Variants in ARHGAP27 observed in about 807,000 individuals in gnomAD.
ARHGAP27 encodes rho GTPase-activating protein 27.
ARHGAP27 carries 53 observed loss-of-function variants against 102.0 expected under a neutral mutation model. The ratio of observed to expected loss-of-function variants is 0.52; its 90% CI spans 0.42 to 0.65. ARHGAP27 has a LOEUF of 0.65. Ranked by LOEUF, ARHGAP27 falls within the 30% of genes least tolerant of loss-of-function variation. The pLI is 0.00. For synonymous variants in ARHGAP27, 525 were observed against 542.8 expected (o/e 0.97, Z 0.46); for missense variants, 1,117 against 1,256.2 (o/e 0.89, Z 1.68).
At chr17:45,409,981 G>C (rs1384212589) in intron 4 of ARHGAP27, 1 of 500,228 alleles carries the variant, frequency 2.0e-6, no homozygotes, top group Non-Finnish European at 3.5e-6. Flanking sequence ...CCAGCCCCCT[G>C]GTACTGCCTT....
At chr17:45,423,777 A>G (rs548512169) in intron 4 of ARHGAP27, among the ~76,000 whole-genome samples, 6 of 152,340 alleles carry the variant, frequency 3.9e-5, no homozygotes, top group African/African-American at 1.4e-4. Flanking sequence ...TAAATGAAAA[A>G]GCAGAAGGCA....
At chr17:45,417,617 A>T (rs1473094877) in intron 4 of ARHGAP27, among the ~76,000 whole-genome samples, 1 of 151,982 alleles carries the variant, frequency 6.6e-6, no homozygotes, top group Non-Finnish European at 1.5e-5. Flanking sequence ...AAATACAAAA[A>T]TTAGCCAGGT....
At chr17:45,414,380 C>A (rs1368007416) in intron 4 of ARHGAP27, among the ~76,000 whole-genome samples, 1 of 152,162 alleles carries the variant, frequency 6.6e-6, no homozygotes, top group East Asian at 1.9e-4. Context: ...ATTTCCAACC[C>A]TTCCTTTCTG....
intron 18 of ARHGAP27, 66 bp downstream of exon 18, chr17:45,395,917 G>C: frequency 2.6e-6 from 4 of 1,566,328 alleles, no homozygotes; most frequent in Non-Finnish European, 3.5e-6. Flanking sequence ...TGGGCGAGGG[G>C]AGCCTGCTAA....
intron 4 of ARHGAP27, 54 bp downstream of exon 4, chr17:45,429,569 G>C: frequency 6.3e-7 from 1 of 1,576,470 alleles, no homozygotes; most frequent in East Asian, 2.3e-5. Flanking sequence ...GCTCCGTGCG[G>C]GCGCGGTCCC....
At chr17:45,397,176 T>G (rs2045854315) in intron 13 of ARHGAP27, 152 bp from the exon 14 acceptor site, 5 of 1,442,600 alleles carry the variant, frequency 3.5e-6, no homozygotes, top group Non-Finnish European at 4.5e-6. Context: ...TTAACTCTCC[T>G]TACCTCCACC....
intron 4 of ARHGAP27, among the ~76,000 whole-genome samples, chr17:45,412,683 C>T (rs1040654679): frequency 6.6e-6 from 1 of 152,224 alleles, no homozygotes; most frequent in Non-Finnish European, 1.5e-5. Flanking sequence ...GTCCCTCCCC[C>T]AAACACATGT....
chr17:45,408,850 T>C (rs2047548468), intron 4 of ARHGAP27: 1 of 152,226 alleles, frequency 6.6e-6, no homozygotes, highest in African/African-American at 2.4e-5. Context: ...CAGCCAGTTG[T>C]CCAACCATCT....
At position 45,395,644 on chromosome 17, in the gene ARHGAP27, G is replaced by A; in HGVS notation, c.2493-11C>T. On this transcript the variant is annotated splice_polypyrimidine_tract_variant and intron_variant, in intron 19 of 19. Coordinates refer to ENST00000685559, the MANE Select transcript of ARHGAP27 (RefSeq NM_001282290.2). ...CCGTGCTCGATCACCCTGTGGCAGG[G>A]GTGGGTGGGTTCAGGGCTCCGAACT... 3.1e-6 allele frequency: 5 copies of A among 1,596,346 alleles called. No homozygotes were observed. Among genetic ancestry groups the A allele is most frequent in the Non-Finnish European group, 3.4e-6 (4 of 1,172,178 alleles).
intron 4 of ARHGAP27, among the ~76,000 whole-genome samples, chr17:45,412,022 C>A (rs916467463): frequency 2.0e-5 from 3 of 152,078 alleles, no homozygotes; most frequent in Non-Finnish European, 4.4e-5. Flanking sequence ...GGCAGGGACT[C>A]CCTATGGCAG....
chr17:45,407,557 C>T (rs2047362226), intron 4 of ARHGAP27: 1 of 149,886 alleles, frequency 6.7e-6, no homozygotes, highest in Non-Finnish European at 1.5e-5. Flanking sequence ...CTCTGTCGTC[C>T]AGACTGGAGT....
chr17:45,395,212 T>G lies in ARHGAP27; in HGVS notation c.*244A>C, dbSNP rs1017252393. 1.8e-6 allele frequency: 1 copy of G among 569,316 alleles called. No homozygotes were observed. Among genetic ancestry groups the G allele is most frequent in the African/African-American group, 1.9e-5 (1 of 52,496 alleles). The allele number at this position is 569,316 out of a possible 1,614,324, so 35.3% of individuals were successfully genotyped here. ...CGATGCAACAGAGAAAAAACCGAAT[T>G]AACCCCCAAACAGGACGTGACGGGA... On this transcript the variant is annotated 3_prime_UTR_variant, in exon 20 of 20. Coordinates refer to ENST00000685559, the MANE Select transcript of ARHGAP27 (RefSeq NM_001282290.2).
At chr17:45,428,442 A>G (rs1164479324) in intron 4 of ARHGAP27, among the ~76,000 whole-genome samples, 3 of 152,214 alleles carry the variant, frequency 2.0e-5, no homozygotes, top group Non-Finnish European at 4.4e-5. Flanking sequence ...CTCGCGTGTA[A>G]GTTAAGTGGC....
At chr17:45,398,152 C>T in intron 12 of ARHGAP27, 105 bp from the exon 13 acceptor site, 1 of 801,194 alleles carries the variant, frequency 1.2e-6, no homozygotes, top group East Asian at 2.9e-5. Flanking sequence ...CTGTCCCTGC[C>T]CCCAGGCACT....
At position 45,429,592 on chromosome 17, in the gene ARHGAP27, C is replaced by T. The variant is rs768823117; in HGVS notation, c.657+31G>A. 3.4e-5 allele frequency: 53 copies of T among 1,574,256 alleles called. No individual in the cohort carries two copies. The East Asian group carries it at 1.2e-3, about 36-fold the overall frequency. ...CGGGCGCGGTCCCTAGCGCGCCACC[C>T]GCCTCCGCGCCCCAGCGCCCGGGGA... On this transcript the variant is annotated intron_variant, in intron 4 of 19. Transcript: ENST00000685559.
chr17:45,401,206 G>T lies in ARHGAP27; in HGVS notation c.1743+1508C>A, dbSNP rs112699285. Among the ~76,000 whole-genome samples the T allele has an allele frequency of 7.7e-3, 1,166 of 152,230 alleles. 18 individuals carry two copies. The highest frequency in any genetic ancestry group is 0.027 in the African/African-American group (1,136 of 41,530). ...AAACTAAAATTAGCCAGATGTGATGGAACGCGCCTGTAGTCCTAGCTACTC... is the reference window on the plus strand; with the variant it reads ...AAACTAAAATTAGCCAGATGTGATGTAACGCGCCTGTAGTCCTAGCTACTC... On this transcript the variant is annotated intron_variant, in intron 12 of 19. Transcript: ENST00000685559.
chr17:45,395,747 C>T lies in ARHGAP27; in HGVS notation c.2489G>A (p.Cys830Tyr). 1 of 1,594,360 alleles carries T rather than the reference C, an allele frequency of 6.3e-7. No homozygotes were observed. The highest frequency in any genetic ancestry group is 1.1e-5 in the South Asian group (1 of 89,094). ...CCGCGCGGGCCGCCCGGCTCACCGG[C>T]AGAGGTGCTGGAAGAGCATCCGCAG... ...DTLRMLFQHLCRVIEHGEQNR... is the reference protein window; with the variant it reads ...DTLRMLFQHLYRVIEHGEQNR... The change falls in exon 19 of 20, where the codon TGC (cysteine) becomes TAC (tyrosine). Residue 830 changes from cysteine to tyrosine, a missense_variant. Transcript: ENST00000685559.
At chr17:45,418,396 G>A (rs1394623037) in intron 4 of ARHGAP27, among the ~76,000 whole-genome samples, 1 of 151,692 alleles carries the variant, frequency 6.6e-6, no homozygotes, top group Non-Finnish European at 1.5e-5. Flanking sequence ...CTTGAGCCCA[G>A]GAGGTTGAGG....
rs141322630 is a variant in ARHGAP27, at chr17:45,420,169, A to T, written c.657+9454T>A. Among the ~76,000 whole-genome samples, 381 of 152,366 alleles carry T rather than the reference A, an allele frequency of 2.5e-3. 1 individual carries two copies. The highest frequency in any genetic ancestry group is 8.5e-3 in the African/African-American group (355 of 41,592). On this transcript the variant is annotated intron_variant, in intron 4 of 19. Transcript: ENST00000685559. ...TTGTTGTAACAGCAAAAAATGGGAA[A>T]TATTCCAAATGCCTGTCAACAGGAG...
Sources: allele counts gnomAD v4.1 joint callset (sites outside exome capture counted in the v4.1 genomes callset), GRCh38; gene constraint gnomAD v4.1.1; transcripts MANE v1.5; gene names NCBI Gene and HGNC (gene_info 2026-07-23, HGNC 2026-07-21).